SLC25A21: variants seen among roughly 807,000 people sequenced by gnomAD.
SLC25A21 encodes solute carrier family 25 member 21, also known as mitochondrial 2-oxodicarboxylate carrier.
A neutral mutation model predicts 43.8 loss-of-function variants in SLC25A21; 47 were observed. That is an observed-to-expected ratio of 1.07 (90% CI 0.85 to 1.37). The LOEUF is 1.37. Ranked by LOEUF, SLC25A21 falls within the 40% of genes most tolerant of loss-of-function variation. SLC25A21 has a pLI of 0.00. For synonymous variants in SLC25A21, 131 were observed against 121.3 expected (o/e 1.08, Z -0.52); for missense variants, 352 against 350.2 (o/e 1.00, Z -0.04).
chr14:37,134,641 C>T (rs1963446332), intron 1 of SLC25A21, among the ~76,000 whole-genome samples: 1 of 99,708 alleles, frequency 1.0e-5, no homozygotes, highest in South Asian at 5.3e-4. Context: ...GAGTGAGACT[C>T]CATCTCTAAA....
At chr14:37,141,809 C>A (rs1963575653) in intron 1 of SLC25A21, among the ~76,000 whole-genome samples, 1 of 152,116 alleles carries the variant, frequency 6.6e-6, no homozygotes, top group South Asian at 2.1e-4. Context: ...CCACTGTAAT[C>A]AGCTATTTCT....
intron 1 of SLC25A21, among the ~76,000 whole-genome samples, chr14:36,928,014 A>G (rs1892179400): frequency 6.6e-6 from 1 of 152,166 alleles, no homozygotes; most frequent in Non-Finnish European, 1.5e-5. Flanking sequence ...CCCCGAAGTT[A>G]TAATGTTAAA....
At chr14:37,034,105 C>T (rs751854893) in intron 1 of SLC25A21, among the ~76,000 whole-genome samples, 1 of 152,014 alleles carries the variant, frequency 6.6e-6, no homozygotes, top group Non-Finnish European at 1.5e-5. Context: ...CAACCTCTGC[C>T]TCCCGGGTTC....
chr14:36,683,080 G>T (rs1882356274), intron 9 of SLC25A21, among the ~76,000 whole-genome samples: 1 of 152,146 alleles, frequency 6.6e-6, no homozygotes, highest in African/African-American at 2.4e-5. Context: ...GGTGAGTGTA[G>T]CCTGATAAAA....
At chr14:37,118,163 C>G (rs1328136857) in intron 1 of SLC25A21, among the ~76,000 whole-genome samples, 6 of 152,164 alleles carry the variant, frequency 3.9e-5, no homozygotes, top group Non-Finnish European at 8.8e-5. Flanking sequence ...ATATTTGCAG[C>G]TTCTCCAACC....
At chr14:37,066,168 A>C (rs1434708073) in intron 1 of SLC25A21, among the ~76,000 whole-genome samples, 1 of 152,316 alleles carries the variant, frequency 6.6e-6, no homozygotes, top group African/African-American at 2.4e-5. Flanking sequence ...AGAAAAATAC[A>C]GTATCAAAAA....
chr14:36,831,742 GT>G (rs11308727), intron 2 of SLC25A21, among the ~76,000 whole-genome samples: 144,484 of 152,248 alleles, frequency 0.95, 69,018 homozygotes, highest in East Asian at 1. Context: ...TTCCTTTGCT[GT>G]TTTCTTCAAA....
intron 2 of SLC25A21, among the ~76,000 whole-genome samples, chr14:36,852,797 C>T (rs1189210657): frequency 6.6e-6 from 1 of 151,944 alleles, no homozygotes; most frequent in African/African-American, 2.4e-5. Flanking sequence ...AAGACAAACA[C>T]ACAGCTGACC....
At chr14:36,741,469 G>A (rs1159948) in intron 3 of SLC25A21, among the ~76,000 whole-genome samples, 86,514 of 151,950 alleles carry the variant, frequency 0.57, 25,992 homozygotes, top group African/African-American at 0.77. Context: ...TAAAAGAGGA[G>A]AAGATCAATG....
intron 1 of SLC25A21, among the ~76,000 whole-genome samples, chr14:37,004,901 G>A (rs1239800544): frequency 6.6e-6 from 1 of 150,656 alleles, no homozygotes; most frequent in East Asian, 1.9e-4. Flanking sequence ...CCAGAAGGAG[G>A]AATAAGAAGA....
At chr14:37,069,446 T>C (rs1312025624) in intron 1 of SLC25A21, among the ~76,000 whole-genome samples, 1 of 152,184 alleles carries the variant, frequency 6.6e-6, no homozygotes, top group Non-Finnish European at 1.5e-5. Flanking sequence ...AACATATGCG[T>C]AGACATCCTT....
chr14:36,875,109 G>A, intron 1 of SLC25A21, 105 bp from the exon 2 acceptor site: 1 of 810,662 alleles, frequency 1.2e-6, no homozygotes, highest in Non-Finnish European at 2.0e-6. Context: ...TAAAGAACTT[G>A]GGACTTCGGA....
intron 2 of SLC25A21, among the ~76,000 whole-genome samples, chr14:36,841,673 C>T (rs1297874291): frequency 6.6e-6 from 1 of 152,152 alleles, no homozygotes; most frequent in Non-Finnish European, 1.5e-5. Flanking sequence ...CCTGGTGTGC[C>T]ACTTCCGCCT....
At chr14:36,838,439 C>T (rs1889281672) in intron 2 of SLC25A21, among the ~76,000 whole-genome samples, 2 of 152,164 alleles carry the variant, frequency 1.3e-5, no homozygotes. Flanking sequence ...GTGTGACCAC[C>T]TAGCTTCTAC....
chr14:36,686,454 C>A lies in SLC25A21; in HGVS notation c.604-1529G>T, dbSNP rs78604214. On this transcript the variant is annotated intron_variant, in intron 7 of 9. Transcript: ENST00000331299. Reference sequence around the variant, plus strand: ...GCTCAGGAGGACAGTGAATTCTAGACCAGCTCTGGTTGTCTGACCTCTGAT... The same window carrying A: ...GCTCAGGAGGACAGTGAATTCTAGAACAGCTCTGGTTGTCTGACCTCTGAT... Among the ~76,000 whole-genome samples, 3,585 of 152,208 alleles carry A rather than the reference C, an allele frequency of 0.024. 247 individuals carry two copies. In the East Asian group the frequency reaches 0.29, roughly 12 times the overall value.
In SLC25A21 at chr14:36,956,617, A is replaced by C. The variant is rs142347444; in HGVS notation, c.71-81613T>G. 3.3e-3 allele frequency among the ~76,000 whole-genome samples: 507 copies of C among 152,274 alleles called. 2 individuals carry two copies. The highest frequency in any genetic ancestry group is 0.012 in the South Asian group (56 of 4,814). On this transcript the variant is annotated intron_variant, in intron 1 of 9. Coordinates refer to ENST00000331299, the MANE Select transcript of SLC25A21 (RefSeq NM_030631.4). ...GAGTATTTATCACATATCTACTTTA[A>C]ATAGCTGGAGAGAGATTAGGTTCAT...
chr14:36,917,366 TG>T (rs1891859142), intron 1 of SLC25A21, among the ~76,000 whole-genome samples: 1 of 152,134 alleles, frequency 6.6e-6, no homozygotes, highest in Non-Finnish European at 1.5e-5. Flanking sequence ...GAAATGGCCA[TG>T]TTTCTTATCT....
chr14:36,981,157 A>G (rs1341626903), intron 1 of SLC25A21, among the ~76,000 whole-genome samples: 2 of 152,184 alleles, frequency 1.3e-5, no homozygotes, highest in East Asian at 3.9e-4. Context: ...CACACCAGTT[A>G]GAATGGTGAT....
At chr14:37,013,384 T>C (rs1337226897) in intron 1 of SLC25A21, among the ~76,000 whole-genome samples, 1 of 152,154 alleles carries the variant, frequency 6.6e-6, no homozygotes, top group Non-Finnish European at 1.5e-5. Flanking sequence ...GCTATGACTA[T>C]TGTAGCAGCC....
Sources: allele counts gnomAD v4.1 joint callset (sites outside exome capture counted in the v4.1 genomes callset), GRCh38; gene constraint gnomAD v4.1.1; transcripts MANE v1.5; gene names NCBI Gene and HGNC (gene_info 2026-07-23, HGNC 2026-07-21).